The following PKHD1 variants were observed in gnomAD, a reference collection of about 807,000 sequenced individuals.
PKHD1 encodes fibrocystin.
Under a neutral mutation model 412.0 loss-of-function variants are expected in PKHD1, and 291 were observed. The ratio of observed to expected loss-of-function variants is 0.71; its 90% CI spans 0.64 to 0.78. The LOEUF is 0.78. Ranked by LOEUF, PKHD1 falls within the 30% of genes least tolerant of loss-of-function variation. The probability of loss-of-function intolerance (pLI) is 0.00; values close to 1 mark genes in which losing one functional copy is unlikely to be tolerated. For synonymous variants in PKHD1, 1,777 were observed against 1,821.5 expected, an observed-to-expected ratio of 0.98 and a Z score of 0.62; for missense variants, 4,825 against 4,950.7, an observed-to-expected ratio of 0.97 and a Z score of 0.76.
chr6:51,753,391 A>C, intron 56 of PKHD1, 38 bp from the exon 57 acceptor site: 1 of 1,588,426 alleles, frequency 6.3e-7, no homozygotes, highest in Non-Finnish European at 8.6e-7. Context: ...AAAACTTTAA[A>C]AACCTGTTTC....
chr6:51,913,447 G>C (rs1783289808), intron 37 of PKHD1, among the ~76,000 whole-genome samples: 1 of 152,074 alleles, frequency 6.6e-6, no homozygotes, highest in African/African-American at 2.4e-5. Context: ...AAGGTCATCT[G>C]TCTCACAGTT....
chr6:51,754,191 A>G (rs1237454354), intron 56 of PKHD1, among the ~76,000 whole-genome samples: 1 of 152,128 alleles, frequency 6.6e-6, no homozygotes, highest in East Asian at 1.9e-4. Context: ...ATTGTGATTT[A>G]TTATTTATAT....
chr6:51,694,232 A>T (rs1011161443), intron 60 of PKHD1, among the ~76,000 whole-genome samples: 2 of 152,048 alleles, frequency 1.3e-5, no homozygotes, highest in Admixed American at 6.6e-5. Context: ...TTCCAAAAAA[A>T]TTCTACTACA....
chr6:51,929,066 G>A (rs898098760), intron 37 of PKHD1, among the ~76,000 whole-genome samples: 22 of 152,260 alleles, frequency 1.4e-4, no homozygotes, highest in Admixed American at 3.3e-4. Flanking sequence ...TGGTCTAGAA[G>A]AAATAGGTAA....
chr6:51,670,117 T>C (rs928241074), intron 60 of PKHD1, among the ~76,000 whole-genome samples: 19 of 140,450 alleles, frequency 1.4e-4, no homozygotes, highest in African/African-American at 4.3e-4. Context: ...ACTTTCTGTC[T>C]CGTTGATCTG....
intron 23 of PKHD1, among the ~76,000 whole-genome samples, chr6:52,047,508 A>G (rs1280033779): frequency 6.6e-6 from 1 of 152,200 alleles, no homozygotes; most frequent in Non-Finnish European, 1.5e-5. Flanking sequence ...ACGTATCATT[A>G]TCACTTCTAA....
At chr6:51,988,715 G>T (rs1796507578) in intron 35 of PKHD1, among the ~76,000 whole-genome samples, 1 of 152,174 alleles carries the variant, frequency 6.6e-6, no homozygotes, top group Non-Finnish European at 1.5e-5. Context: ...CAAAAACCTT[G>T]CAGGAAGATA....
chr6:51,902,409 C>A (rs556000821), intron 43 of PKHD1, among the ~76,000 whole-genome samples: 1 of 152,160 alleles, frequency 6.6e-6, no homozygotes, highest in Non-Finnish European at 1.5e-5. Flanking sequence ...TCCTACAGTC[C>A]GTGTAGTTCT....
intron 53 of PKHD1, among the ~76,000 whole-genome samples, chr6:51,788,188 G>C (rs967785715): frequency 3.9e-5 from 6 of 152,166 alleles, no homozygotes; most frequent in African/African-American, 1.4e-4. Flanking sequence ...CAAATATAAA[G>C]AGCAGGAATT....
At chr6:51,764,086 G>A (rs1250156763) in intron 55 of PKHD1, among the ~76,000 whole-genome samples, 1 of 146,620 alleles carries the variant, frequency 6.8e-6, no homozygotes, top group South Asian at 2.2e-4. Flanking sequence ...ATCTCCCAAT[G>A]CTATCCCTCC....
intron 63 of PKHD1, among the ~76,000 whole-genome samples, chr6:51,643,025 A>T (rs1038272666): frequency 2.0e-5 from 3 of 152,132 alleles, no homozygotes; most frequent in Admixed American, 6.5e-5. Context: ...GTCATGTGAG[A>T]GTATCTGTGG....
intron 64 of PKHD1, among the ~76,000 whole-genome samples, chr6:51,637,150 G>A (rs569346667): frequency 1.6e-4 from 24 of 152,254 alleles, no homozygotes; most frequent in African/African-American, 4.1e-4. Flanking sequence ...ACTTGATAAC[G>A]TATTTGGTTA....
At chr6:51,719,370 C>T (rs914735345) in intron 60 of PKHD1, among the ~76,000 whole-genome samples, 3 of 152,100 alleles carry the variant, frequency 2.0e-5, no homozygotes, top group Admixed American at 1.3e-4. Context: ...TCACTTAGTA[C>T]AGGGTTTCTC....
At chr6:51,900,021 T>C (rs1187887823) in intron 43 of PKHD1, among the ~76,000 whole-genome samples, 5 of 151,950 alleles carry the variant, frequency 3.3e-5, no homozygotes, top group Non-Finnish European at 5.9e-5. Flanking sequence ...TCAAAGAGGA[T>C]ACAAACAAAT....
At chr6:51,871,452 A>ATT (rs1249124350) in intron 46 of PKHD1, among the ~76,000 whole-genome samples, 2 of 118,568 alleles carry the variant, frequency 1.7e-5, no homozygotes, top group African/African-American at 2.7e-5. Flanking sequence ...GACTCCATTT[A>ATT]TATGACTGTT....
chr6:51,967,586 C>T (rs769710154), intron 35 of PKHD1, among the ~76,000 whole-genome samples: 17 of 152,094 alleles, frequency 1.1e-4, no homozygotes, highest in Non-Finnish European at 1.8e-4. Context: ...TTTTAGTACA[C>T]AATAAGCCAG....
At chr6:51,982,609 C>T (rs1181829895) in intron 35 of PKHD1, among the ~76,000 whole-genome samples, 1 of 147,808 alleles carries the variant, frequency 6.8e-6, no homozygotes. Context: ...TGCTTGAAGG[C>T]AGCATGCTCG....
chr6:51,830,052 A>T (rs946010430), intron 52 of PKHD1, among the ~76,000 whole-genome samples: 6 of 152,282 alleles, frequency 3.9e-5, no homozygotes, highest in African/African-American at 1.4e-4. Flanking sequence ...GTTCTCAGTA[A>T]ATGTTTGACA....
chr6:51,711,977 AGCAT>A, intron 60 of PKHD1, among the ~76,000 whole-genome samples: 1 of 152,316 alleles, frequency 6.6e-6, no homozygotes, highest in South Asian at 2.1e-4. Context: ...TACTAGGAGT[AGCAT>A]GTGAATCTAA....
Sources: allele counts gnomAD v4.1 joint callset (sites outside exome capture counted in the v4.1 genomes callset), GRCh38; gene constraint gnomAD v4.1.1; transcripts MANE v1.5; gene names NCBI Gene and HGNC (gene_info 2026-07-23, HGNC 2026-07-21).